The following CALN1 variants were observed in gnomAD, a reference collection of about 807,000 sequenced individuals.
CALN1 encodes the protein calneuron 1.
In CALN1, 17 loss-of-function variants were observed where a neutral mutation model predicts 30.6. That is an observed-to-expected ratio of 0.56 (90% CI 0.38 to 0.83). The LOEUF (loss-of-function observed/expected upper bound fraction) is 0.83, where lower values mean the gene tolerates loss of function less well. Among genes scored for constraint, CALN1 ranks in the 40% least tolerant of loss-of-function variants. The pLI is 0.00. For missense variants in CALN1, 291 were observed against 354.9 expected (o/e 0.82, Z 1.45); for synonymous variants, 156 against 131.4 (o/e 1.19, Z -1.28).
intron 2 of CALN1, among the ~76,000 whole-genome samples, chr7:72,309,505 G>A (rs1211166467): frequency 6.6e-6 from 1 of 152,064 alleles, no homozygotes; most frequent in East Asian, 1.9e-4. Context: ...AAAAGAATAG[G>A]GGAGGGGGGC....
chr7:72,401,534 C>T (rs1384679800), intron 2 of CALN1, among the ~76,000 whole-genome samples: 2 of 152,076 alleles, frequency 1.3e-5, no homozygotes, highest in East Asian at 3.9e-4. Flanking sequence ...GGTGTAGAGA[C>T]CCTTAGCCCC....
chr7:72,271,575 A>AAAATATATATATATATATAT lies in CALN1; in HGVS notation c.244+7110_244+7111insATATATATATATATATATTT. 2.1e-3 allele frequency among the ~76,000 whole-genome samples: 111 copies of AAAATATATATATATATATAT among 52,118 alleles called. 3 individuals carry two copies. Among genetic ancestry groups the AAAATATATATATATATATAT allele is most frequent in the South Asian group, 0.013 (11 of 866 alleles). 34.2% of individuals were successfully genotyped at this position (52,118 alleles called of 152,430 possible). The stretch of plus-strand genomic sequence containing the variant: ...CTGTGCCTGCCTTTTAAAAAAAAAA[A>AAAATATATATATATATATAT]ATATATATATATATATATAGTTTTC... On this transcript the variant is annotated intron_variant, in intron 3 of 6. Coordinates refer to ENST00000395275, the MANE Select transcript of CALN1 (RefSeq NM_031468.4).
upstream of CALN1, among the ~76,000 whole-genome samples, chr7:72,451,211 G>GAA (rs200919254): frequency 0.013 from 1,508 of 115,814 alleles, 36 homozygotes; most frequent in African/African-American, 0.036. Flanking sequence ...AGAAGAAGAA[G>GAA]GAGGAGGAGG....
intron 2 of CALN1, among the ~76,000 whole-genome samples, chr7:72,352,888 C>A (rs535100937): frequency 3.5e-4 from 53 of 151,606 alleles, no homozygotes; most frequent in African/African-American, 1.2e-3. Flanking sequence ...GCAAAAACAC[C>A]AAGTACCAAG....
intron 5 of CALN1, among the ~76,000 whole-genome samples, chr7:71,882,048 CAG>C (rs1792602153): frequency 6.6e-6 from 1 of 152,050 alleles, no homozygotes; most frequent in South Asian, 2.1e-4. Context: ...TCCAGCCTGA[CAG>C]AGTCAGACCC....
chr7:72,272,999 A>G (rs1180868475), intron 3 of CALN1, among the ~76,000 whole-genome samples: 1 of 151,824 alleles, frequency 6.6e-6, no homozygotes, highest in African/African-American at 2.4e-5. Context: ...AACAACATAG[A>G]TGGAGAATTC....
intron 3 of CALN1, among the ~76,000 whole-genome samples, chr7:72,201,829 C>T (rs1381260862): frequency 2.0e-5 from 3 of 152,060 alleles, no homozygotes; most frequent in Non-Finnish European, 4.4e-5. Context: ...TCAAACTCCC[C>T]TCTAGCCTTA....
intron 2 of CALN1, among the ~76,000 whole-genome samples, chr7:72,396,838 G>A (rs1805995739): frequency 6.6e-6 from 1 of 152,158 alleles, no homozygotes; most frequent in Non-Finnish European, 1.5e-5. Context: ...CGTTGAGGTT[G>A]AAGGTTAGAA....
At chr7:72,333,980 A>C (rs537544216) in intron 2 of CALN1, among the ~76,000 whole-genome samples, 7 of 152,360 alleles carry the variant, frequency 4.6e-5, no homozygotes, top group Admixed American at 3.3e-4. Context: ...AGCAATGTGG[A>C]AAGTGCCCCG....
intron 5 of CALN1, among the ~76,000 whole-genome samples, chr7:72,020,464 T>C (rs903278924): frequency 1.3e-5 from 2 of 152,182 alleles, no homozygotes; most frequent in African/African-American, 4.8e-5. Flanking sequence ...GTACCATTTT[T>C]TCACGCTGTC....
chr7:72,402,186 T>C (rs1806388371), intron 2 of CALN1, among the ~76,000 whole-genome samples: 1 of 152,224 alleles, frequency 6.6e-6, no homozygotes, highest in Non-Finnish European at 1.5e-5. Flanking sequence ...AAGCGTTCTC[T>C]TGGCCAGGGG....
In CALN1 at chr7:72,318,007, G is replaced by A. The variant is rs182498178; in HGVS notation, c.120-39197C>T. 2.0e-5 allele frequency among the ~76,000 whole-genome samples: 3 copies of A among 152,296 alleles called. No individual in the cohort carries two copies. In the East Asian group the frequency reaches 5.8e-4, roughly 29 times the overall value. On this transcript the variant is annotated intron_variant, in intron 2 of 6. Coordinates refer to ENST00000395275, the MANE Select transcript of CALN1 (RefSeq NM_031468.4). ...TGATTTGCAAAACAGTATGGGACCT[G>A]AGTGTTATTTCTGATTGAGCGTCTA...
chr7:71,923,620 T>C (rs1795096583), intron 5 of CALN1, among the ~76,000 whole-genome samples: 4 of 152,178 alleles, frequency 2.6e-5, no homozygotes, highest in South Asian at 2.1e-4. Context: ...AGCTAGTTTA[T>C]TGTTTTTCCT....
chr7:72,225,412 G>C (rs945957958), intron 3 of CALN1, among the ~76,000 whole-genome samples: 1 of 151,972 alleles, frequency 6.6e-6, no homozygotes, highest in African/African-American at 2.4e-5. Context: ...GAGGGGCAAC[G>C]ATACCCCAAA....
At chr7:72,439,582 CTTT>C (rs11458809) in intron 1 of CALN1, among the ~76,000 whole-genome samples, 1 of 143,726 alleles carries the variant, frequency 7.0e-6, no homozygotes, top group African/African-American at 2.6e-5. Flanking sequence ...GTCGTTTATT[CTTT>C]TTTTTTTTTT....
chr7:72,148,212 A>T (rs1451710579), intron 3 of CALN1, among the ~76,000 whole-genome samples: 1 of 150,992 alleles, frequency 6.6e-6, no homozygotes, highest in Non-Finnish European at 1.5e-5. Flanking sequence ...TTGGATCGTG[A>T]ATGGATTGGT....
At chr7:71,843,135 A>G (rs1790030017) in intron 5 of CALN1, among the ~76,000 whole-genome samples, 1 of 152,202 alleles carries the variant, frequency 6.6e-6, no homozygotes, top group Non-Finnish European at 1.5e-5. Flanking sequence ...TGAATCCACC[A>G]TAATTTCTAC....
intron 2 of CALN1, among the ~76,000 whole-genome samples, chr7:72,308,397 GAGAGAGAGGAAAGAA>G (rs1799813390): frequency 7.4e-6 from 1 of 134,810 alleles, no homozygotes. Flanking sequence ...GAGAGAGAGA[GAGAGAGAGGAAAGAA>G]AGGAAAGAAA....
chr7:72,100,821 C>CAAAAAA (rs35514026), intron 4 of CALN1, among the ~76,000 whole-genome samples: 11 of 73,030 alleles, frequency 1.5e-4, no homozygotes, highest in Admixed American at 5.5e-4. Flanking sequence ...CTCCGTCTCA[C>CAAAAAA]AAAAAAAAAA....
Sources: allele counts gnomAD v4.1 joint callset (sites outside exome capture counted in the v4.1 genomes callset), GRCh38; gene constraint gnomAD v4.1.1; transcripts MANE v1.5; gene names NCBI Gene and HGNC (gene_info 2026-07-23, HGNC 2026-07-21).